Variants in RBFOX1 observed in about 807,000 individuals in gnomAD.
RBFOX1 encodes the protein RNA binding fox-1 homolog 1, also known as RNA binding protein fox-1 homolog 1.
Under a neutral mutation model 57.7 loss-of-function variants are expected in RBFOX1, and 8 were observed. The observed-to-expected ratio is 0.14, with a 90% CI of 0.08 to 0.25. The LOEUF is 0.25. RBFOX1 is among the 10% of genes least tolerant of loss of function. RBFOX1 has a pLI of 1.00. For missense variants in RBFOX1, 611 were observed against 548.5 expected (o/e 1.11, Z -1.14); for synonymous variants, 326 against 222.4 (o/e 1.47, Z -4.15).
rs977327493 is a variant in RBFOX1, at chr16:5,947,671, T to C, written c.351+80336T>C. ...GGCATCCCTTACCATCTTCCTTCTC[T>C]ATTGTAAATCTGCCCTTTTGAGAGA... is the stretch of plus-strand genomic sequence containing the variant. On this transcript the variant is annotated intron_variant, in intron 4 of 19. Transcript: ENST00000641259. This position sits in a 1 kb window ranked among gnomAD's most constrained non-coding sequence, Gnocchi z 7.2. Among the ~76,000 whole-genome samples, 1 of 152,182 alleles carries C rather than the reference T, an allele frequency of 6.6e-6. No individual in the cohort carries two copies. The highest frequency in any genetic ancestry group is 2.4e-5 in the African/African-American group (1 of 41,446).
At chr16:7,656,710 C>T (rs1422874742) in intron 12 of RBFOX1, among the ~76,000 whole-genome samples, 1 of 152,118 alleles carries the variant, frequency 6.6e-6, no homozygotes, top group Non-Finnish European at 1.5e-5. Flanking sequence ...CTGTTGTGTG[C>T]TGAAGAGACA....
At chr16:7,131,341 CTTTTT>C (rs34213849) in intron 4 of RBFOX1, among the ~76,000 whole-genome samples, 2 of 71,746 alleles carry the variant, frequency 2.8e-5, no homozygotes, top group Non-Finnish European at 4.8e-5. Context: ...GCGAGACTGT[CTTTTT>C]TTTTTTTTTT....
chr16:6,815,859 C>G (rs2089953668), intron 3 of RBFOX1, among the ~76,000 whole-genome samples: 2 of 151,500 alleles, frequency 1.3e-5, no homozygotes, highest in Admixed American at 1.3e-4. Flanking sequence ...TGTCAACACT[C>G]AGTCTGTTTG....
chr16:5,410,714 A>G lies in RBFOX1; in HGVS notation c.220-56502A>G, dbSNP rs117116036. Among the ~76,000 whole-genome samples, 455 of 152,256 alleles carry G rather than the reference A, an allele frequency of 3.0e-3. 12 individuals are homozygous for G. In the East Asian group the frequency reaches 0.073, roughly 24 times the overall value. ...TATATGGACTTTTGGACATGTGCAT[A>G]CTTCCTGCCTCTGAGCCACTGCTCC... On this transcript the variant is annotated intron_variant, in intron 1 of 2. Coordinates refer to the RBFOX1 transcript ENST00000585867.
chr16:7,369,158 A>G (rs1231248227), intron 4 of RBFOX1, among the ~76,000 whole-genome samples: 1 of 152,080 alleles, frequency 6.6e-6, no homozygotes, highest in East Asian at 1.9e-4. Flanking sequence ...TGGGACCCAC[A>G]GTCTGCTTAA....
chr16:7,685,402 T>C (rs2075851923), intron 14 of RBFOX1, among the ~76,000 whole-genome samples: 1 of 152,114 alleles, frequency 6.6e-6, no homozygotes, highest in Non-Finnish European at 1.5e-5. Flanking sequence ...AAAAGATCCG[T>C]GGACGGAAAC....
chr16:6,722,263 C>G (rs1041739875), intron 3 of RBFOX1, among the ~76,000 whole-genome samples: 4 of 152,176 alleles, frequency 2.6e-5, no homozygotes, highest in Non-Finnish European at 5.9e-5. Flanking sequence ...GCATTTCCAC[C>G]CACAGTGCCT....
intron 1 of RBFOX1, among the ~76,000 whole-genome samples, chr16:6,096,634 T>C (rs1001392076): frequency 6.6e-6 from 1 of 152,242 alleles, no homozygotes; most frequent in Admixed American, 6.5e-5. Context: ...TTTCTTTTCA[T>C]TGGGTTTGAT....
chr16:6,598,444 T>A (rs547386409), intron 2 of RBFOX1, among the ~76,000 whole-genome samples: 1 of 152,308 alleles, frequency 6.6e-6, no homozygotes, highest in South Asian at 2.1e-4. Context: ...AAAACTAATG[T>A]TCTTGTTATC....
chr16:5,806,914 G>T (rs991258465), intron 3 of RBFOX1, among the ~76,000 whole-genome samples: 5 of 152,088 alleles, frequency 3.3e-5, no homozygotes, highest in African/African-American at 1.2e-4. Flanking sequence ...ACTTACCGAA[G>T]CAGCCAGCCT....
intron 3 of RBFOX1, among the ~76,000 whole-genome samples, chr16:5,841,115 G>C (rs190231055): frequency 2.1e-4 from 32 of 152,280 alleles, no homozygotes; most frequent in African/African-American, 7.7e-4. Context: ...TCGATTGAGT[G>C]ATTTCCTGGC....
chr16:6,782,670 T>A (rs1293693166), intron 3 of RBFOX1, among the ~76,000 whole-genome samples: 1 of 152,184 alleles, frequency 6.6e-6, no homozygotes, highest in Non-Finnish European at 1.5e-5. Flanking sequence ...TGGAGAATAT[T>A]TTATGTGCCC....
At chr16:6,088,904 C>G (rs35538490) in intron 1 of RBFOX1, among the ~76,000 whole-genome samples, 49,221 of 151,580 alleles carry the variant, frequency 0.32, 8,273 homozygotes, top group East Asian at 0.5. Flanking sequence ...ATACCATCCT[C>G]GCTAACACAG....
At chr16:6,307,363 CAGAG>C (rs1308514531) in intron 1 of RBFOX1, among the ~76,000 whole-genome samples, 1 of 151,168 alleles carries the variant, frequency 6.6e-6, no homozygotes, top group East Asian at 1.9e-4. Flanking sequence ...GCCTGGGTGA[CAGAG>C]AGAGACTCAT....
intron 1 of RBFOX1, among the ~76,000 whole-genome samples, chr16:5,443,875 A>T (rs1167721456): frequency 2.0e-5 from 3 of 152,142 alleles, no homozygotes; most frequent in African/African-American, 7.2e-5. Context: ...CCTTCTTTTT[A>T]AAGCTTGACT....
At chr16:6,867,023 A>AAAAAAAAACTT (rs1567630111) in intron 3 of RBFOX1, among the ~76,000 whole-genome samples, 88 of 151,592 alleles carry the variant, frequency 5.8e-4, no homozygotes, top group African/African-American at 1.2e-3. Flanking sequence ...CTTTAAAAAA[A>AAAAAAAAACTT]AAAAAAAAAA....
intron 1 of RBFOX1, among the ~76,000 whole-genome samples, chr16:6,290,423 T>C (rs2077353374): frequency 6.6e-6 from 1 of 152,040 alleles, no homozygotes. Context: ...CTTGGATCGT[T>C]GTATTTAGAA....
chr16:6,973,775 T>G (rs925055697), intron 3 of RBFOX1, among the ~76,000 whole-genome samples: 3 of 152,174 alleles, frequency 2.0e-5, no homozygotes, highest in Non-Finnish European at 4.4e-5. Flanking sequence ...CCGGTAGTTT[T>G]TAATTTTTAT....
At chr16:7,160,795 C>T (rs553503982) in intron 4 of RBFOX1, among the ~76,000 whole-genome samples, 7 of 147,426 alleles carry the variant, frequency 4.7e-5, no homozygotes, top group Admixed American at 1.4e-4. Context: ...CTCCCTCCTC[C>T]GTCTCCCCCT....
Sources: gnomAD v4.1 joint callset for allele counts (sites outside exome capture counted in the v4.1 genomes callset) on GRCh38, gnomAD v4.1.1 for gene constraint, Gnocchi (gnomAD v3.1) non-coding constraint, MANE v1.5 for transcripts, NCBI Gene and HGNC (gene_info 2026-07-23, HGNC 2026-07-21) for gene names.